SYT10: variants seen among roughly 807,000 people sequenced by gnomAD.
SYT10 encodes the protein synaptotagmin 10, also known as synaptotagmin-10.
SYT10 carries 31 observed loss-of-function variants against 51.1 expected under a neutral mutation model. That is an observed-to-expected ratio of 0.61 (90% CI 0.46 to 0.82). SYT10 has a LOEUF of 0.82. Ranked by LOEUF, SYT10 falls within the 40% of genes least tolerant of loss-of-function variation. SYT10 has a pLI of 0.00. For missense variants in SYT10, 603 were observed against 634.0 expected (o/e 0.95, Z 0.53); for synonymous variants, 233 against 225.9 (o/e 1.03, Z -0.28).
Position 33,385,220 on chromosome 12 carries a change from T to A in SYT10, c.1149A>T (p.Thr383=). The A allele has an allele frequency of 6.2e-7, 1 of 1,613,728 alleles. No individual in the cohort carries two copies. Among genetic ancestry groups the A allele is most frequent in the Non-Finnish European group, 8.5e-7 (1 of 1,179,760 alleles). ...YLPTAGRMTL[T]VIKCRNLKAM... is the part of the protein sequence containing the mutation. Reference sequence around the variant, plus strand: ...CCTTCAGATTTCTGCACTTAATGACTGTCAATGTCATACGCCCAGCCGTCG... The same window carrying A: ...CCTTCAGATTTCTGCACTTAATGACAGTCAATGTCATACGCCCAGCCGTCG... Residue 383 remains threonine, a synonymous_variant, in exon 4 of 7, where the codon ACA becomes ACT. Transcript: ENST00000228567.
intron 1 of SYT10, among the ~76,000 whole-genome samples, chr12:33,429,095 C>G (rs986534656): frequency 2.0e-5 from 3 of 152,084 alleles, no homozygotes; most frequent in Non-Finnish European, 4.4e-5. Flanking sequence ...GAGAAGGAAT[C>G]AGTGGACAAG....
chr12:33,423,425 T>C (rs1418154145), intron 2 of SYT10, among the ~76,000 whole-genome samples: 1 of 152,084 alleles, frequency 6.6e-6, no homozygotes, highest in Non-Finnish European at 1.5e-5. Context: ...TAATTTGATT[T>C]ATAATAATGT....
At position 33,428,849 on chromosome 12, in the gene SYT10, T is replaced by C. The variant is rs58067649; in HGVS notation, c.152-2354A>G. Among the ~76,000 whole-genome samples the C allele has an allele frequency of 2.0e-3, 285 of 146,036 alleles. 5 individuals carry two copies. In the East Asian group the frequency reaches 0.045, roughly 23 times the overall value. ...TGAGCCCGGGACGTGGAGCTTGCAG[T>C]GAGCCGAGGTTGCGCCACTGCACTC... On this transcript the variant is annotated intron_variant, in intron 1 of 6. Coordinates refer to ENST00000228567, the MANE Select transcript of SYT10 (RefSeq NM_198992.4).
At chr12:33,429,740 A>G (rs990804800) in intron 1 of SYT10, among the ~76,000 whole-genome samples, 5 of 152,226 alleles carry the variant, frequency 3.3e-5, no homozygotes, top group African/African-American at 9.6e-5. Context: ...AATGAGAAAG[A>G]TGAACTCATA....
chr12:33,384,861 A>C (rs1030704556), intron 4 of SYT10, among the ~76,000 whole-genome samples: 5 of 152,182 alleles, frequency 3.3e-5, no homozygotes, highest in Admixed American at 3.3e-4. Flanking sequence ...CTTCCTTTAT[A>C]AAAACTGACT....
At chr12:33,391,859 AG>A (rs936795446) in intron 3 of SYT10, among the ~76,000 whole-genome samples, 3 of 152,202 alleles carry the variant, frequency 2.0e-5, no homozygotes, top group African/African-American at 7.2e-5. Flanking sequence ...GTATCAGGCC[AG>A]GTCATGACTT....
At chr12:33,419,663 C>G (rs1049434602) in intron 2 of SYT10, among the ~76,000 whole-genome samples, 1 of 152,112 alleles carries the variant, frequency 6.6e-6, no homozygotes, top group Non-Finnish European at 1.5e-5. Context: ...CTTACCTTGA[C>G]TTCTCTCCAT....
Position 33,376,852 on chromosome 12 carries a change from G to C in SYT10, c.1550C>G (p.Pro517Arg), listed in dbSNP as rs1198525865. 4.3e-6 allele frequency: 7 copies of C among 1,614,094 alleles called. No homozygotes were observed. The highest frequency in any genetic ancestry group is 1.3e-5 in the African/African-American group (1 of 75,032). ...SFDSQGSCPS[P>R]KPPSTP ...GCATTATGGTGTGGAAGGTGGTTTAGGAGAAGGGCAGGATCCTTGACTATC... is the reference window on the plus strand; with the variant it reads ...GCATTATGGTGTGGAAGGTGGTTTACGAGAAGGGCAGGATCCTTGACTATC... The change falls in exon 7 of 7, where the codon CCT becomes CGT. Residue 517 changes from proline to arginine, a missense_variant. Physicochemically the swap from Pro to Arg is moderately radical, Grantham distance 103. Transcript: ENST00000228567.
chr12:33,426,281 T>C lies in SYT10; in HGVS notation c.366A>G (p.Pro122=). The part of the protein sequence containing the change: ...EKKEIKENEK[P]AVKAIEPAIK... ...TTGCAGGCTCAATAGCTTTTACGGC[T>C]GGCTTTTCATTTTCCTTAATTTCTT... The change falls in exon 2 of 7, where the codon CCA becomes CCG. Residue 122 remains proline, a synonymous_variant. Transcript: ENST00000228567. The C allele has an allele frequency of 6.2e-7, 1 of 1,614,168 alleles. No individual in the cohort carries two copies.
chr12:33,385,084 TA>T (rs1196969243), intron 4 of SYT10, 86 bp downstream of exon 4: 2 of 1,496,732 alleles, frequency 1.3e-6, no homozygotes, highest in Non-Finnish European at 1.8e-6. Flanking sequence ...TATAGGCAAA[TA>T]ATTCAGTAGT....
rs1426818588 is a variant in SYT10, at chr12:33,375,826, C to T, written c.*1004G>A. 6.6e-6 allele frequency: 1 copy of T among 152,434 alleles called. No individual in the cohort carries two copies. The highest frequency in any genetic ancestry group is 6.6e-5 in the Admixed American group (1 of 15,254). The allele number at this position is 152,434 out of a possible 1,614,324, so 9.4% of individuals were successfully genotyped here. A position where few individuals can be genotyped will look rare whatever the true frequency, so the allele number is the denominator to read the frequency against. On this transcript the variant is annotated 3_prime_UTR_variant, in exon 7 of 7. Transcript: ENST00000228567. ...GCTTCTGACTGGGTTTAAGAGTCACCATTACTGTGTACAATCTAAACGGTG... is the reference window on the plus strand; with the variant it reads ...GCTTCTGACTGGGTTTAAGAGTCACTATTACTGTGTACAATCTAAACGGTG...
chr12:33,435,329 G>T (rs1592000306), intron 1 of SYT10, among the ~76,000 whole-genome samples: 1 of 152,154 alleles, frequency 6.6e-6, no homozygotes, highest in East Asian at 1.9e-4. Flanking sequence ...GATTTAAGAA[G>T]AATAAATGTT....
intron 3 of SYT10, among the ~76,000 whole-genome samples, chr12:33,406,482 T>C (rs1866353391): frequency 6.6e-6 from 1 of 152,120 alleles, no homozygotes; most frequent in Non-Finnish European, 1.5e-5. Flanking sequence ...ATACTAACTG[T>C]GAGGAAACTT....
At chr12:33,392,984 TTAAA>T (rs1866222228) in intron 3 of SYT10, among the ~76,000 whole-genome samples, 1 of 13,570 alleles carries the variant, frequency 7.4e-5, no homozygotes, top group South Asian at 2.9e-3. Context: ...GTTTTTGCCA[TTAAA>T]AAAAAAAAAA....
At chr12:33,394,080 T>G (rs573796637) in intron 3 of SYT10, among the ~76,000 whole-genome samples, 5 of 152,302 alleles carry the variant, frequency 3.3e-5, no homozygotes, top group African/African-American at 1.2e-4. Context: ...GCAGTCTACT[T>G]GTTATGATAA....
intron 1 of SYT10, among the ~76,000 whole-genome samples, chr12:33,435,381 A>G (rs1866630193): frequency 6.6e-6 from 1 of 152,206 alleles, no homozygotes; most frequent in Non-Finnish European, 1.5e-5. Flanking sequence ...CTCCATTTGC[A>G]TTTGAAGTAA....
intron 3 of SYT10, among the ~76,000 whole-genome samples, chr12:33,391,799 A>T (rs1449530479): frequency 6.6e-6 from 1 of 152,184 alleles, no homozygotes; most frequent in Non-Finnish European, 1.5e-5. Context: ...TGATTATCAT[A>T]AGGTGAATGT....
intron 2 of SYT10, among the ~76,000 whole-genome samples, chr12:33,414,477 G>C (rs1308277824): frequency 2.0e-5 from 3 of 152,138 alleles, no homozygotes; most frequent in Non-Finnish European, 4.4e-5. Context: ...ATCACAAACT[G>C]TCTCTCAGAC....
intron 3 of SYT10, among the ~76,000 whole-genome samples, chr12:33,390,019 A>G (rs768614374): frequency 1.3e-5 from 2 of 152,364 alleles, no homozygotes; most frequent in Non-Finnish European, 2.9e-5. Context: ...CAAAGAGATG[A>G]GCTAATTTAT....
Sources: allele counts gnomAD v4.1 joint callset (sites outside exome capture counted in the v4.1 genomes callset), GRCh38; gene constraint gnomAD v4.1.1; transcripts MANE v1.5; gene names NCBI Gene and HGNC (gene_info 2026-07-23, HGNC 2026-07-21).